UBXN8: variants seen among roughly 807,000 people sequenced by gnomAD.
The protein encoded by UBXN8 is UBX domain-containing protein 8.
Under a neutral mutation model 32.1 loss-of-function variants are expected in UBXN8, and 27 were observed. That is an observed-to-expected ratio of 0.84 (90% confidence interval 0.62 to 1.16). The LOEUF is 1.16. Among genes scored for constraint, UBXN8 ranks in the 50% most tolerant of loss-of-function variants. The pLI is 0.00. For missense variants in UBXN8, 306 were observed against 311.4 expected (o/e 0.98, Z 0.13); for synonymous variants, 109 against 111.8 (o/e 0.98, Z 0.16).
chr8:30,754,163 C>A (rs1344840836), intron 3 of UBXN8: 1 of 192,220 alleles, frequency 5.2e-6, no homozygotes, highest in Non-Finnish European at 1.1e-5. Flanking sequence ...TCACTTGAAC[C>A]CAGGAGCCAG....
intron 5 of UBXN8, among the ~76,000 whole-genome samples, chr8:30,759,672 A>AT (rs1425264230): frequency 6.7e-6 from 1 of 149,054 alleles, no homozygotes; most frequent in Non-Finnish European, 1.5e-5. Context: ...AAATGTGTAT[A>AT]TGGGCCGGGT....
chr8:30,744,105 C>A (rs959875455), upstream of UBXN8: 4 of 1,336,676 alleles, frequency 3.0e-6, no homozygotes, highest in Non-Finnish European at 4.2e-6. Context: ...CCAGCCGGCC[C>A]GCGGCAAGAA....
At chr8:30,735,845 A>C (rs1336664551) in intron 1 of UBXN8, among the ~76,000 whole-genome samples, 1 of 152,236 alleles carries the variant, frequency 6.6e-6, no homozygotes, top group African/African-American at 2.4e-5. Flanking sequence ...TTTCAAAACA[A>C]ATAAACAAAA....
Position 30,766,208 on chromosome 8 carries a change from C to G in UBXN8, c.646-19C>G, listed in dbSNP as rs1203857912. On this transcript the variant is annotated intron_variant, in intron 7 of 7. Transcript: ENST00000265616. ...GTAAAGTATTTGATAATGACTAAGC[C>G]AAGCTTTTCATCTTCTAGGTCTTAT... 1.2e-6 allele frequency: 2 copies of G among 1,602,772 alleles called. No homozygotes were observed. Among genetic ancestry groups the G allele is most frequent in the Non-Finnish European group, 8.5e-7 (1 of 1,172,990 alleles).
intron 6 of UBXN8, 147 bp from the exon 7 acceptor site, chr8:30,763,125 CG>C (rs1805902235): frequency 2.7e-6 from 2 of 740,858 alleles, no homozygotes; most frequent in Non-Finnish European, 4.4e-6. Context: ...GGATTACAGG[CG>C]TGAGCCACCA....
At chr8:30,761,608 A>G (rs1252657179) in intron 6 of UBXN8, among the ~76,000 whole-genome samples, 1 of 152,156 alleles carries the variant, frequency 6.6e-6, no homozygotes, top group East Asian at 1.9e-4. Flanking sequence ...CAGAATCAAA[A>G]TAGGCATATG....
At chr8:30,762,593 G>T (rs753187680) in intron 6 of UBXN8, among the ~76,000 whole-genome samples, 13 of 152,022 alleles carry the variant, frequency 8.6e-5, no homozygotes, top group African/African-American at 3.1e-4. Flanking sequence ...GGGTTTCACC[G>T]TGTTGGCCAG....
chr8:30,729,811 C>G (rs1804907996), upstream of UBXN8, among the ~76,000 whole-genome samples: 3 of 152,330 alleles, frequency 2.0e-5, no homozygotes, highest in South Asian at 6.2e-4. Flanking sequence ...TCCCTTGTTT[C>G]TAAGGTATGG....
chr8:30,764,895 C>G (rs1376511319), intron 7 of UBXN8, among the ~76,000 whole-genome samples: 1 of 151,954 alleles, frequency 6.6e-6, no homozygotes, highest in African/African-American at 2.4e-5. Flanking sequence ...ACTAAAAATA[C>G]AAAAATTAGC....
chr8:30,739,488 A>G (rs141527790), upstream of UBXN8, among the ~76,000 whole-genome samples: 541 of 152,110 alleles, frequency 3.6e-3, 19 homozygotes, highest in East Asian at 0.077. Context: ...AGTTTGCAGT[A>G]AGCCGAGATT....
chr8:30,751,193 G>A (rs1202566626), intron 1 of UBXN8, among the ~76,000 whole-genome samples: 4 of 152,102 alleles, frequency 2.6e-5, no homozygotes, highest in Admixed American at 1.3e-4. Flanking sequence ...ATCTTCTAAT[G>A]TGTTATAATT....
intron 1 of UBXN8, among the ~76,000 whole-genome samples, chr8:30,736,029 A>G (rs545098000): frequency 1.0e-3 from 158 of 152,368 alleles, no homozygotes; most frequent in African/African-American, 3.6e-3. Flanking sequence ...GTTGCTCAAT[A>G]AAATTTTTCA....
At chr8:30,752,998 G>A in intron 2 of UBXN8, 37 bp from the exon 3 acceptor site, 9 of 1,480,530 alleles carry the variant, frequency 6.1e-6, no homozygotes, top group Non-Finnish European at 8.1e-6. Flanking sequence ...TAAGATACTT[G>A]GGAAGTAAAA....
rs67334347 is a variant in UBXN8, at chr8:30,747,894, C to CTTTTTTTT, written c.89-3485_89-3478dup. 5.6e-4 allele frequency among the ~76,000 whole-genome samples: 20 copies of CTTTTTTTT among 35,632 alleles called. 1 individual carries two copies. Among genetic ancestry groups the CTTTTTTTT allele is most frequent in the African/African-American group, 7.5e-4 (7 of 9,388 alleles). 23.4% of individuals were successfully genotyped at this position (35,632 alleles called of 152,430 possible). A position where few individuals can be genotyped will look rare whatever the true frequency, so the allele number is the denominator to read the frequency against. On this transcript the variant is annotated intron_variant, in intron 1 of 7. Coordinates refer to ENST00000265616, the MANE Select transcript of UBXN8 (RefSeq NM_005671.4). ...TTTCTTTTTTTAATATATATTTTTT[C>CTTTTTTTT]TTTTTTTTTTTTTTTTTTTTTTTTG...
chr8:30,743,150 C>CCAAGTACGAAATGTTGTAGA, upstream of UBXN8, among the ~76,000 whole-genome samples: 1 of 105,104 alleles, frequency 9.5e-6, no homozygotes, highest in East Asian at 3.0e-4. Context: ...AATATAATTT[C>CCAAGTACGAAATGTTGTAGA]TTTCTTTCTT....
intron 1 of UBXN8, among the ~76,000 whole-genome samples, chr8:30,734,818 C>T (rs1221092359): frequency 6.6e-6 from 1 of 152,080 alleles, no homozygotes; most frequent in Non-Finnish European, 1.5e-5. Context: ...GTGGTGCACA[C>T]CTGTAGCCCC....
upstream of UBXN8, among the ~76,000 whole-genome samples, chr8:30,743,133 G>A (rs1415521915): frequency 6.7e-6 from 1 of 150,030 alleles, no homozygotes; most frequent in Admixed American, 6.8e-5. Flanking sequence ...ACCGCGCTTA[G>A]CCAGGAAATA....
At chr8:30,739,810 G>A (rs1390776750), upstream of UBXN8, among the ~76,000 whole-genome samples, 1 of 152,194 alleles carries the variant, frequency 6.6e-6, no homozygotes, top group African/African-American at 2.4e-5. Flanking sequence ...TATCCAAAGA[G>A]TACATTTTGT....
intron 1 of UBXN8, among the ~76,000 whole-genome samples, chr8:30,735,545 T>G: frequency 6.6e-6 from 1 of 151,982 alleles, no homozygotes; most frequent in Admixed American, 6.6e-5. Context: ...AGAGTGTGTC[T>G]CAAAAAAACA....
Sources: allele counts gnomAD v4.1 joint callset (sites outside exome capture counted in the v4.1 genomes callset), GRCh38; gene constraint gnomAD v4.1.1; transcripts MANE v1.5; gene names NCBI Gene and HGNC (gene_info 2026-07-23, HGNC 2026-07-21).